TNFSF4: variants seen among roughly 807,000 people sequenced by gnomAD.
The protein encoded by TNFSF4 is TNF superfamily member 4.
In TNFSF4, 4 loss-of-function variants were observed where a neutral mutation model predicts 7.3. That is an observed-to-expected ratio of 0.55 (90% CI 0.27 to 1.25). The LOEUF (loss-of-function observed/expected upper bound fraction) is 1.25, where lower values mean the gene tolerates loss of function less well. TNFSF4 is among the 50% of genes most tolerant of loss of function. The probability of loss-of-function intolerance (pLI) is 0.12; values close to 1 mark genes in which losing one functional copy is unlikely to be tolerated. For missense variants in TNFSF4, 181 were observed against 208.8 expected (o/e 0.87, Z 0.82); for synonymous variants, 76 against 83.7 (o/e 0.91, Z 0.50).
the TNFSF4 span, chr1:173,418,587 C>T: frequency 6.6e-6 from 1 of 151,208 alleles, no homozygotes; most frequent in South Asian, 2.1e-4. Flanking sequence ...GGGAGGAGTG[C>T]ATTTTCCACT....
chr1:173,236,736 A>G, the TNFSF4 span, among the ~76,000 whole-genome samples: 1 of 152,296 alleles, frequency 6.6e-6, no homozygotes, highest in Admixed American at 6.5e-5. Context: ...GCCAGGAACA[A>G]AAAACTAAAC....
the TNFSF4 span, among the ~76,000 whole-genome samples, chr1:173,262,370 T>C: frequency 6.6e-6 from 1 of 152,098 alleles, no homozygotes; most frequent in Non-Finnish European, 1.5e-5. Flanking sequence ...CCACAGCCAA[T>C]ATCATACTGA....
intron 1 of TNFSF4, among the ~76,000 whole-genome samples, chr1:173,195,174 T>A (rs1412339010): frequency 6.6e-6 from 1 of 152,214 alleles, no homozygotes; most frequent in Admixed American, 6.5e-5. Flanking sequence ...AAAAAGCATT[T>A]ATCTGAGGGT....
the TNFSF4 span, among the ~76,000 whole-genome samples, chr1:173,442,576 G>C: frequency 0.15 from 18,612 of 123,842 alleles, 1,792 homozygotes; most frequent in East Asian, 0.33. Context: ...TTGAGACAGA[G>C]TCTCGCTTTG....
chr1:173,362,775 T>G, the TNFSF4 span: 2 of 415,608 alleles, frequency 4.8e-6, no homozygotes, highest in African/African-American at 4.1e-5. Flanking sequence ...GGAACACTAA[T>G]GACTGATCAC....
At chr1:173,203,272 T>C (rs1315356769) in intron 1 of TNFSF4, among the ~76,000 whole-genome samples, 1 of 150,398 alleles carries the variant, frequency 6.6e-6, no homozygotes, top group Non-Finnish European at 1.5e-5. Flanking sequence ...AAATAGACTA[T>C]ATCTAATACC....
the TNFSF4 span, among the ~76,000 whole-genome samples, chr1:173,393,070 G>A: frequency 6.6e-6 from 1 of 152,138 alleles, no homozygotes; most frequent in Non-Finnish European, 1.5e-5. Flanking sequence ...AGGTGGAGTG[G>A]GGGCCTATAT....
At chr1:173,362,937 T>A in the TNFSF4 span, 1 of 421,174 alleles carries the variant, frequency 2.4e-6, no homozygotes, top group Non-Finnish European at 4.7e-6. Context: ...ACCAAAATAG[T>A]TCCTAGAACT....
the TNFSF4 span, among the ~76,000 whole-genome samples, chr1:173,333,314 C>G: frequency 5.0e-5 from 2 of 40,048 alleles, no homozygotes; most frequent in Admixed American, 7.8e-4. Flanking sequence ...ATCCAATCAG[C>G]TGAAGGCCTG....
chr1:173,263,028 C>T, the TNFSF4 span, among the ~76,000 whole-genome samples: 1 of 152,172 alleles, frequency 6.6e-6, no homozygotes, highest in East Asian at 1.9e-4. Flanking sequence ...TGAATGAACT[C>T]CCACTCACAA....
the TNFSF4 span, among the ~76,000 whole-genome samples, chr1:173,324,366 C>T: frequency 2.0e-5 from 3 of 152,112 alleles, no homozygotes; most frequent in Non-Finnish European, 4.4e-5. Context: ...GAAGGAAGCA[C>T]TAAACATGGA....
At chr1:173,376,214 T>A in the TNFSF4 span, among the ~76,000 whole-genome samples, 1 of 152,046 alleles carries the variant, frequency 6.6e-6, no homozygotes, top group African/African-American at 2.4e-5. Flanking sequence ...CCATCAATGA[T>A]AGAATGGATA....
At chr1:173,406,201 G>A in the TNFSF4 span, among the ~76,000 whole-genome samples, 7 of 152,062 alleles carry the variant, frequency 4.6e-5, no homozygotes, top group Non-Finnish European at 8.8e-5. Flanking sequence ...GCATATAGTA[G>A]GCACTCAATA....
the TNFSF4 span, among the ~76,000 whole-genome samples, chr1:173,247,759 A>C: frequency 6.6e-6 from 1 of 152,180 alleles, no homozygotes; most frequent in Non-Finnish European, 1.5e-5. Flanking sequence ...TTGTCATTCA[A>C]ATGATTAACT....
chr1:173,311,648 C>T, the TNFSF4 span, among the ~76,000 whole-genome samples: 4 of 151,634 alleles, frequency 2.6e-5, no homozygotes, highest in African/African-American at 7.3e-5. Flanking sequence ...ACACTGGGGT[C>T]GTAGGGTAAG....
the TNFSF4 span, among the ~76,000 whole-genome samples, chr1:173,284,839 C>T: frequency 4.6e-5 from 7 of 152,246 alleles, no homozygotes; most frequent in East Asian, 5.8e-4. Context: ...TACTCATTAA[C>T]AATGCACCTG....
the TNFSF4 span, among the ~76,000 whole-genome samples, chr1:173,232,043 A>G: frequency 6.6e-6 from 1 of 152,150 alleles, no homozygotes; most frequent in Non-Finnish European, 1.5e-5. Context: ...CATTGAATCT[A>G]TAAATTACCC....
chr1:173,418,610 G>C, the TNFSF4 span: 3 of 148,224 alleles, frequency 2.0e-5, no homozygotes, highest in African/African-American at 7.6e-5. Context: ...TAGGCGTCTT[G>C]AAAACTTTCA....
chr1:173,305,841 AC>A, the TNFSF4 span, among the ~76,000 whole-genome samples: 1 of 151,812 alleles, frequency 6.6e-6, no homozygotes, highest in Admixed American at 6.6e-5. Context: ...CATGGAGGAA[AC>A]TGCCTCCATG....
Sources: gnomAD v4.1 joint callset for allele counts (sites outside exome capture counted in the v4.1 genomes callset) on GRCh38, gnomAD v4.1.1 for gene constraint, MANE v1.5 for transcripts, NCBI Gene and HGNC (gene_info 2026-07-23, HGNC 2026-07-21) for gene names.